Variants in RBFOX1 observed in about 807,000 individuals in gnomAD.
RBFOX1 encodes the protein RNA binding fox-1 homolog 1.
In RBFOX1, 8 loss-of-function variants were observed where a neutral mutation model predicts 57.7. That is an observed-to-expected ratio of 0.14 (90% CI 0.08 to 0.25). The LOEUF is 0.25. RBFOX1 is among the 10% of genes least tolerant of loss of function. The probability of loss-of-function intolerance (pLI) is 1.00; values close to 1 mark genes in which losing one functional copy is unlikely to be tolerated. For missense variants in RBFOX1, 611 were observed against 548.5 expected (o/e 1.11, Z -1.14); for synonymous variants, 326 against 222.4 (o/e 1.47, Z -4.15).
intron 4 of RBFOX1, among the ~76,000 whole-genome samples, chr16:7,110,719 C>T (rs1377169777): frequency 2.0e-5 from 3 of 152,066 alleles, no homozygotes; most frequent in Non-Finnish European, 4.4e-5. Flanking sequence ...GCATTAATAG[C>T]CTAAAAACAA....
intron 12 of RBFOX1, among the ~76,000 whole-genome samples, chr16:7,657,863 T>C (rs1027723516): frequency 5.3e-5 from 8 of 152,170 alleles, no homozygotes; most frequent in Admixed American, 2.6e-4. Flanking sequence ...CCAACATCAA[T>C]TGAATGAGAC....
At chr16:7,348,630 C>G (rs890776276) in intron 4 of RBFOX1, among the ~76,000 whole-genome samples, 1 of 152,148 alleles carries the variant, frequency 6.6e-6, no homozygotes, top group Non-Finnish European at 1.5e-5. Context: ...AGTAGCAAAA[C>G]AATCCTATAG....
intron 1 of RBFOX1, among the ~76,000 whole-genome samples, chr16:6,087,910 C>G (rs2096112625): frequency 6.6e-6 from 1 of 152,184 alleles, no homozygotes. Context: ...CTCGGCCTCC[C>G]AAAATGCTGG....
At chr16:6,169,777 T>C (rs1164874461) in intron 1 of RBFOX1, among the ~76,000 whole-genome samples, 1 of 152,158 alleles carries the variant, frequency 6.6e-6, no homozygotes, top group Non-Finnish European at 1.5e-5. Flanking sequence ...TTCTTATTTA[T>C]TTATTTAGGT....
At chr16:5,733,919 A>G (rs901812507) in intron 3 of RBFOX1, among the ~76,000 whole-genome samples, 29 of 149,914 alleles carry the variant, frequency 1.9e-4, no homozygotes, top group Non-Finnish European at 3.6e-4. Flanking sequence ...GCCCTACCCC[A>G]CCCTTCATTT....
chr16:5,718,705 G>A (rs1397892537), intron 3 of RBFOX1, among the ~76,000 whole-genome samples: 1 of 152,186 alleles, frequency 6.6e-6, no homozygotes, highest in African/African-American at 2.4e-5. Context: ...TCAGGAGTTT[G>A]AGACCAGCCT....
intron 3 of RBFOX1, among the ~76,000 whole-genome samples, chr16:6,723,577 G>T (rs183764949): frequency 6.6e-6 from 1 of 152,280 alleles, no homozygotes; most frequent in Admixed American, 6.5e-5. Context: ...TTGGAGAAGT[G>T]GATGGCAGTA....
At chr16:6,534,756 T>C (rs999190751) in intron 2 of RBFOX1, among the ~76,000 whole-genome samples, 21 of 152,164 alleles carry the variant, frequency 1.4e-4, no homozygotes, top group Non-Finnish European at 2.8e-4. Context: ...TCTAAGGAGA[T>C]GGCATTTCTA....
rs148761624 is a variant in RBFOX1 at position 5,314,537 on chromosome 16, G to A, written c.219+74432G>A. ...CTTTTTTGAGACTGGATCTCACTCT[G>A]TTGCCCAGGCTGGCGTGCAGTGGTG... On this transcript the variant is annotated intron_variant, in intron 1 of 2. Coordinates refer to the RBFOX1 transcript ENST00000585867. Among the ~76,000 whole-genome samples, 12 of 152,296 alleles carry A rather than the reference G, an allele frequency of 7.9e-5. No individual in the cohort carries two copies. In the East Asian group the frequency reaches 2.3e-3, roughly 29 times the overall value.
At chr16:5,659,364 C>T (rs1354382845) in intron 3 of RBFOX1, among the ~76,000 whole-genome samples, 5 of 145,162 alleles carry the variant, frequency 3.4e-5, no homozygotes, top group East Asian at 2.1e-4. Context: ...AGTGCAGTGG[C>T]GCCATCCCCG....
chr16:7,385,100 AG>A (rs1186575618), intron 4 of RBFOX1, among the ~76,000 whole-genome samples: 1 of 152,214 alleles, frequency 6.6e-6, no homozygotes, highest in Non-Finnish European at 1.5e-5. Flanking sequence ...AAATAGAGAG[AG>A]GGGCACCAGA....
At chr16:6,968,453 C>G (rs559333869) in intron 3 of RBFOX1, among the ~76,000 whole-genome samples, 1 of 152,112 alleles carries the variant, frequency 6.6e-6, no homozygotes, top group Non-Finnish European at 1.5e-5. Flanking sequence ...TGCTGCCTGA[C>G]GCTATCCGGA....
At chr16:6,758,406 T>C (rs2076130827) in intron 3 of RBFOX1, among the ~76,000 whole-genome samples, 1 of 152,164 alleles carries the variant, frequency 6.6e-6, no homozygotes, top group African/African-American at 2.4e-5. Context: ...AAGCTATTTG[T>C]CATAGCAACG....
chr16:5,908,472 C>A (rs892669076), intron 4 of RBFOX1, among the ~76,000 whole-genome samples: 1 of 151,792 alleles, frequency 6.6e-6, no homozygotes, highest in Non-Finnish European at 1.5e-5. Context: ...TCTGCCTCAG[C>A]TTCCCAAGTA....
intron 4 of RBFOX1, among the ~76,000 whole-genome samples, chr16:7,483,910 G>T (rs1043772163): frequency 6.6e-6 from 1 of 152,230 alleles, no homozygotes; most frequent in African/African-American, 2.4e-5. Context: ...TAAGTGTACA[G>T]TTTGAATTTT....
chr16:6,809,603 C>T (rs1222533499), intron 3 of RBFOX1, among the ~76,000 whole-genome samples: 1 of 152,070 alleles, frequency 6.6e-6, no homozygotes, highest in African/African-American at 2.4e-5. Context: ...AACCTTGGTA[C>T]AGAATTGCTA....
At chr16:6,050,511 G>C (rs1325877963) in intron 1 of RBFOX1, among the ~76,000 whole-genome samples, 1 of 152,164 alleles carries the variant, frequency 6.6e-6, no homozygotes, top group Non-Finnish European at 1.5e-5. Flanking sequence ...CTTCCAAGAA[G>C]AGGTACATTG....
At position 7,712,062 on chromosome 16, in the gene RBFOX1, CA is replaced by C. The variant is rs1339319888; in HGVS notation, c.*1321del. 6.6e-6 allele frequency: 1 copy of C among 152,466 alleles called. No individual in the cohort carries two copies. Among genetic ancestry groups the C allele is most frequent in the Non-Finnish European group, 1.5e-5 (1 of 68,026 alleles). The allele number at this position is 152,466 out of a possible 1,614,324, so 9.4% of individuals were successfully genotyped here. On this transcript the variant is annotated 3_prime_UTR_variant, in exon 16 of 16. Coordinates refer to ENST00000550418, the MANE Select transcript of RBFOX1 (RefSeq NM_018723.4). ...AAAAGTACATCCACCCTCTTAATCC[CA>C]AAAGAACAAAGTCTCCCCACCTTTC...
intron 1 of RBFOX1, among the ~76,000 whole-genome samples, chr16:6,102,649 G>T (rs891529803): frequency 1.3e-5 from 2 of 151,894 alleles, no homozygotes; most frequent in African/African-American, 4.8e-5. Flanking sequence ...GTAAAGCATT[G>T]TCTTTCAGAT....
Sources: gnomAD v4.1 joint callset for allele counts (sites outside exome capture counted in the v4.1 genomes callset) on GRCh38, gnomAD v4.1.1 for gene constraint, MANE v1.5 for transcripts, NCBI Gene and HGNC (gene_info 2026-07-23, HGNC 2026-07-21) for gene names.